The following LRRTM4 variants were observed in gnomAD, a reference collection of about 807,000 sequenced individuals.
LRRTM4 encodes leucine rich repeat transmembrane neuronal 4.
In LRRTM4, 25 loss-of-function variants were observed where a neutral mutation model predicts 47.6. The ratio of observed to expected loss-of-function variants is 0.53; its 90% CI spans 0.38 to 0.73. LRRTM4 has a LOEUF of 0.73. Among genes scored for constraint, LRRTM4 ranks in the 30% least tolerant of loss-of-function variants. The probability of loss-of-function intolerance (pLI) is 0.00; values close to 1 mark genes in which losing one functional copy is unlikely to be tolerated. For missense variants in LRRTM4, 638 were observed against 713.4 expected, an observed-to-expected ratio of 0.89 and a Z score of 1.20; for synonymous variants, 311 against 269.5, an observed-to-expected ratio of 1.15 and a Z score of -1.51.
intron 3 of LRRTM4, among the ~76,000 whole-genome samples, chr2:77,157,397 A>G (rs937091428): frequency 1.3e-5 from 2 of 152,200 alleles, no homozygotes; most frequent in South Asian, 2.1e-4. Flanking sequence ...AGAAGATAAC[A>G]TTTTAAAACT....
intron 3 of LRRTM4, among the ~76,000 whole-genome samples, chr2:77,442,475 G>A (rs984126245): frequency 2.6e-5 from 4 of 152,038 alleles, no homozygotes; most frequent in African/African-American, 9.7e-5. Flanking sequence ...CCCAAAACAA[G>A]AATTTATGAT....
At chr2:77,009,239 T>G (rs973547211) in intron 3 of LRRTM4, 4 of 152,138 alleles carry the variant, frequency 2.6e-5, no homozygotes, top group African/African-American at 9.6e-5. Flanking sequence ...GAATTTCTTT[T>G]CTTGTAATTA....
In LRRTM4 at chr2:77,244,040, G is replaced by A. The variant is rs566756557; in HGVS notation, c.1551+274278C>T. On this transcript the variant is annotated intron_variant, in intron 3 of 3. Coordinates refer to ENST00000409884, the MANE Select transcript of LRRTM4 (RefSeq NM_001134745.3). ...GCGGTGTTTGGTTTTTTGTTCTTGC[G>A]ATAGTTTACTGAGAATGATGATTTC... 7.4e-3 allele frequency among the ~76,000 whole-genome samples: 941 copies of A among 127,970 alleles called. 4 individuals carry two copies. The highest frequency in any genetic ancestry group is 0.012 in the Non-Finnish European group (710 of 61,602). The allele number at this position is 127,970 out of a possible 152,430, so 84.0% of individuals were successfully genotyped here. A position where few individuals can be genotyped will look rare whatever the true frequency, so the allele number is the denominator to read the frequency against.
At chr2:76,768,253 T>C (rs1673534289) in intron 3 of LRRTM4, among the ~76,000 whole-genome samples, 2 of 152,298 alleles carry the variant, frequency 1.3e-5, no homozygotes, top group South Asian at 2.1e-4. Flanking sequence ...TATTGGTTTC[T>C]TTACATGCAA....
chr2:77,021,041 GT>G (rs1258990049), intron 3 of LRRTM4, among the ~76,000 whole-genome samples: 1 of 152,092 alleles, frequency 6.6e-6, no homozygotes, highest in African/African-American at 2.4e-5. Flanking sequence ...CAGTTTGTGG[GT>G]CCCTGGAACA....
intron 3 of LRRTM4, among the ~76,000 whole-genome samples, chr2:77,257,215 C>T (rs1228538928): frequency 1.3e-5 from 2 of 151,842 alleles, no homozygotes; most frequent in Non-Finnish European, 1.5e-5. Flanking sequence ...AGGCTGAATG[C>T]TTTTTCCTAA....
chr2:77,184,858 G>A (rs2103864960), intron 3 of LRRTM4, among the ~76,000 whole-genome samples: 1 of 152,178 alleles, frequency 6.6e-6, no homozygotes, highest in Admixed American at 6.6e-5. Flanking sequence ...TTCTTACAAT[G>A]TATTTTGAAA....
chr2:77,093,991 T>A (rs11900222), intron 3 of LRRTM4, among the ~76,000 whole-genome samples: 1 of 151,402 alleles, frequency 6.6e-6, no homozygotes, highest in African/African-American at 2.4e-5. Context: ...CCTATAAAAC[T>A]GCCCCACCCC....
At chr2:77,438,964 A>C (rs969081903) in intron 3 of LRRTM4, among the ~76,000 whole-genome samples, 2 of 152,188 alleles carry the variant, frequency 1.3e-5, no homozygotes, top group African/African-American at 4.8e-5. Context: ...TTAACAACAA[A>C]GGTAAACCAA....
chr2:77,201,045 T>C (rs951465028), intron 3 of LRRTM4, among the ~76,000 whole-genome samples: 8 of 152,096 alleles, frequency 5.3e-5, no homozygotes, highest in African/African-American at 1.9e-4. Context: ...ATACAACACC[T>C]TTGCCTTTCA....
intron 3 of LRRTM4, among the ~76,000 whole-genome samples, chr2:77,340,814 C>A (rs76463071): frequency 6.6e-6 from 1 of 151,790 alleles, no homozygotes; most frequent in Non-Finnish European, 1.5e-5. Flanking sequence ...AAATATAGAC[C>A]TTGCTCAGGG....
chr2:76,805,788 C>T (rs1393126524), intron 3 of LRRTM4, among the ~76,000 whole-genome samples: 1 of 151,940 alleles, frequency 6.6e-6, no homozygotes, highest in East Asian at 1.9e-4. Context: ...CCTCTTACTT[C>T]CCCTTACTGC....
intron 3 of LRRTM4, among the ~76,000 whole-genome samples, chr2:77,152,504 GTT>G (rs910702479): frequency 3.0e-4 from 45 of 151,834 alleles, no homozygotes; most frequent in African/African-American, 9.9e-4. Flanking sequence ...AATTTTTTGT[GTT>G]TTTAGTACAG....
chr2:77,332,971 G>A (rs1301079897), intron 3 of LRRTM4, among the ~76,000 whole-genome samples: 2 of 152,094 alleles, frequency 1.3e-5, no homozygotes, highest in Non-Finnish European at 2.9e-5. Flanking sequence ...TTACAGGGGC[G>A]GGTCTTTCCT....
chr2:76,806,507 G>C lies in LRRTM4; in HGVS notation c.1552-57591C>G, dbSNP rs148666938. On this transcript the variant is annotated intron_variant, in intron 3 of 3. Coordinates refer to ENST00000409884, the MANE Select transcript of LRRTM4 (RefSeq NM_001134745.3). ...GATGAAGGAGAATTTCTTGAACCCA[G>C]CTGGCGGAGGTTGCAATGAGCCAAG... Among the ~76,000 whole-genome samples the C allele has an allele frequency of 6.4e-3, 978 of 152,250 alleles. 11 individuals are homozygous for C. Among genetic ancestry groups the C allele is most frequent in the African/African-American group, 0.022 (929 of 41,528 alleles).
At chr2:76,841,593 G>T (rs1429730715) in intron 3 of LRRTM4, among the ~76,000 whole-genome samples, 2 of 148,436 alleles carry the variant, frequency 1.3e-5, no homozygotes, top group South Asian at 2.2e-4. Context: ...AATTTCACTG[G>T]TTATTAGTAT....
chr2:76,901,914 T>TC (rs1019438672), intron 3 of LRRTM4, among the ~76,000 whole-genome samples: 5 of 152,158 alleles, frequency 3.3e-5, no homozygotes, highest in African/African-American at 1.2e-4. Context: ...CAACCTAAAT[T>TC]CCATATATAA....
rs1295054841 is a variant in LRRTM4 at position 77,313,332 on chromosome 2, T to C, written c.1551+204986A>G. Among the ~76,000 whole-genome samples, 4 of 150,898 alleles carry C rather than the reference T, an allele frequency of 2.7e-5. No individual in the cohort carries two copies. The East Asian group carries it at 7.8e-4, about 29-fold the overall frequency. On this transcript the variant is annotated intron_variant, in intron 3 of 3. Coordinates refer to ENST00000409884, the MANE Select transcript of LRRTM4 (RefSeq NM_001134745.3). ...GGTGCTGGGATGTGCCCCCCTACCT[T>C]TTCCTGGGACCTGGTGCTGGGATGT...
At chr2:77,122,157 T>C (rs996650870) in intron 3 of LRRTM4, among the ~76,000 whole-genome samples, 1 of 151,734 alleles carries the variant, frequency 6.6e-6, no homozygotes, top group Non-Finnish European at 1.5e-5. Context: ...CAATCAAGTT[T>C]CATAAATGGC....
Sources: gnomAD v4.1 joint callset for allele counts (sites outside exome capture counted in the v4.1 genomes callset) on GRCh38, gnomAD v4.1.1 for gene constraint, MANE v1.5 for transcripts, NCBI Gene and HGNC (gene_info 2026-07-23, HGNC 2026-07-21) for gene names.